The following PDZRN3 variants were observed in gnomAD, a reference collection of about 807,000 sequenced individuals.
PDZRN3 encodes PDZ domain containing ring finger 3.
A neutral mutation model predicts 85.7 loss-of-function variants in PDZRN3; 38 were observed. That is an observed-to-expected ratio of 0.44 (90% confidence interval 0.34 to 0.58). The LOEUF (loss-of-function observed/expected upper bound fraction) is 0.58. Ranked by LOEUF, PDZRN3 falls within the 20% of genes least tolerant of loss-of-function variation. PDZRN3 has a pLI of 0.01. For missense variants in PDZRN3, 1,629 were observed against 1,506.4 expected, an observed-to-expected ratio of 1.08 and a Z score of -1.35; for synonymous variants, 759 against 638.0, an observed-to-expected ratio of 1.19 and a Z score of -2.86.
chr3:73,484,101 G>T (rs904401453), intron 3 of PDZRN3, among the ~76,000 whole-genome samples: 4 of 152,146 alleles, frequency 2.6e-5, no homozygotes, highest in African/African-American at 7.2e-5. Flanking sequence ...ATAAGGAGGG[G>T]ATGATATGAG....
intron 3 of PDZRN3, among the ~76,000 whole-genome samples, chr3:73,432,700 T>C (rs1178142016): frequency 6.6e-6 from 1 of 152,214 alleles, no homozygotes; most frequent in African/African-American, 2.4e-5. Flanking sequence ...TTAAAAAATA[T>C]ATTAATATGC....
chr3:73,602,523 G>C (rs2106896700), intron 2 of PDZRN3, 62 bp from the exon 3 acceptor site: 1 of 851,994 alleles, frequency 1.2e-6, no homozygotes, highest in Non-Finnish European at 2.0e-6. Context: ...TGAAAGTAAA[G>C]CTTGCACTCT....
chr3:73,624,646 C>T lies in PDZRN3; in HGVS notation c.180G>A (p.Leu60=), dbSNP rs1702940039. ...GGACGTGGTTGAGCTCTTTGGCCGACAGGCGACCGCGGCAGCGCGCCGGGC... is the reference window on the plus strand; with the variant it reads ...GGACGTGGTTGAGCTCTTTGGCCGATAGGCGACCGCGGCAGCGCGCCGGGC... ...GSCPARCRGR[L]SAKELNHVLP... Residue 60 remains leucine, a synonymous_variant, in exon 1 of 10, where the codon CTG becomes CTA. Coordinates refer to ENST00000263666, the MANE Select transcript of PDZRN3 (RefSeq NM_015009.3). 6.5e-7 allele frequency: 1 copy of T among 1,545,542 alleles called. No individual in the cohort carries two copies. Among genetic ancestry groups the T allele is most frequent in the Non-Finnish European group, 8.7e-7 (1 of 1,149,578 alleles).
chr3:73,384,488 C>T lies in PDZRN3; in HGVS notation c.2078G>A (p.Arg693His), dbSNP rs773653572. 5.0e-6 allele frequency: 8 copies of T among 1,613,380 alleles called. No individual in the cohort carries two copies. The East Asian group carries it at 1.1e-4, about 22-fold the overall frequency. The change falls in exon 10 of 10, where the codon CGC (arginine) becomes CAC (histidine). Residue 693 changes from arginine to histidine, a missense_variant. Transcript: ENST00000263666. ...GCTCAGGCACTCCAGCTCGATGCTG[C>T]GCAGCTCTTCGTTCAGCAGCTCCAG... ...KELELLNEEL[R>H]SIELECLSIV...
chr3:73,454,994 T>C (rs1344215114), intron 3 of PDZRN3, among the ~76,000 whole-genome samples: 1 of 152,170 alleles, frequency 6.6e-6, no homozygotes, highest in African/African-American at 2.4e-5. Flanking sequence ...TGGAGTTCCA[T>C]TCAATTATGC....
chr3:73,447,345 G>A (rs189102534), intron 3 of PDZRN3, among the ~76,000 whole-genome samples: 69 of 152,012 alleles, frequency 4.5e-4, no homozygotes, highest in African/African-American at 1.6e-3. Context: ...CTAGCTTCCT[G>A]TTGCCTGTCT....
At chr3:73,385,096 A>C (rs575000249) in intron 9 of PDZRN3, among the ~76,000 whole-genome samples, 166 bp from the exon 10 acceptor site, 26 of 152,218 alleles carry the variant, frequency 1.7e-4, no homozygotes, top group African/African-American at 6.0e-4. Flanking sequence ...CCTTAGCTAC[A>C]CCTACCCGTA....
chr3:73,397,858 T>C (rs1701671652), intron 5 of PDZRN3, among the ~76,000 whole-genome samples: 2 of 150,444 alleles, frequency 1.3e-5, no homozygotes, highest in Admixed American at 1.3e-4. Flanking sequence ...GGACTCAGAG[T>C]ACTCTAGGGT....
At chr3:73,533,074 A>G (rs1193789737) in intron 3 of PDZRN3, among the ~76,000 whole-genome samples, 1 of 152,252 alleles carries the variant, frequency 6.6e-6, no homozygotes, top group African/African-American at 2.4e-5. Flanking sequence ...ATATTTAACA[A>G]GTTGATTTTA....
At chr3:73,614,957 G>C (rs1453835319) in intron 1 of PDZRN3, among the ~76,000 whole-genome samples, 1 of 152,156 alleles carries the variant, frequency 6.6e-6, no homozygotes, top group Non-Finnish European at 1.5e-5. Context: ...ACTGAAGGTA[G>C]TCATAAGGAC....
intron 3 of PDZRN3, among the ~76,000 whole-genome samples, chr3:73,546,318 G>A (rs1032292361): frequency 3.9e-5 from 6 of 152,152 alleles, no homozygotes; most frequent in African/African-American, 1.4e-4. Context: ...ACCTGTTGGA[G>A]GCAACACAAA....
At chr3:73,493,067 G>C (rs959289706) in intron 3 of PDZRN3, among the ~76,000 whole-genome samples, 1 of 141,082 alleles carries the variant, frequency 7.1e-6, no homozygotes, top group African/African-American at 2.6e-5. Flanking sequence ...AAATCTGAAG[G>C]AGGTGGGAGA....
chr3:73,502,953 T>C (rs571529473), intron 3 of PDZRN3, among the ~76,000 whole-genome samples: 4 of 152,352 alleles, frequency 2.6e-5, no homozygotes, highest in African/African-American at 9.6e-5. Context: ...TAAGTAAGAA[T>C]TTGCAAGAGA....
rs1336070873 is a variant in PDZRN3 at position 73,384,776 on chromosome 3, G to A, written c.1790C>T (p.Ser597Phe). 1.2e-6 allele frequency: 2 copies of A among 1,613,962 alleles called. No individual in the cohort carries two copies. Among genetic ancestry groups the A allele is most frequent in the Admixed American group, 3.3e-5 (2 of 60,038 alleles). The change falls in exon 10 of 10, where the codon TCC (serine) becomes TTC (phenylalanine). Residue 597 changes from serine (S) to phenylalanine (F), a missense_variant. Ser to Phe is a radical substitution (Grantham distance 155). Coordinates refer to ENST00000263666, the MANE Select transcript of PDZRN3 (RefSeq NM_015009.3). ...CTTCCTCTGCCCCGCCAGCGGGTTG[G>A]AGGATGCGGTGGCGTCGTCGCCATT... is the stretch of plus-strand genomic sequence containing the variant. ...ENNGDDATAS[S>F]NPLAGQRKLT... is the part of the protein sequence containing the mutation.
intron 3 of PDZRN3, among the ~76,000 whole-genome samples, chr3:73,436,694 G>A (rs1702536508): frequency 6.6e-6 from 1 of 152,148 alleles, no homozygotes; most frequent in African/African-American, 2.4e-5. Flanking sequence ...ATATGGCACT[G>A]TATTTCCGAG....
At chr3:73,549,355 C>A (rs1019769984) in intron 3 of PDZRN3, among the ~76,000 whole-genome samples, 6 of 152,114 alleles carry the variant, frequency 3.9e-5, no homozygotes, top group Non-Finnish European at 5.9e-5. Context: ...GGGCACTGTA[C>A]CCGAGAGAAG....
At chr3:73,614,069 TAAA>T (rs1255804225) in intron 1 of PDZRN3, among the ~76,000 whole-genome samples, 1 of 152,190 alleles carries the variant, frequency 6.6e-6, no homozygotes, top group Non-Finnish European at 1.5e-5. Context: ...TGATTTTGTT[TAAA>T]AGAAGCTTTG....
At chr3:73,555,701 A>G (rs1270726309) in intron 3 of PDZRN3, among the ~76,000 whole-genome samples, 1 of 152,212 alleles carries the variant, frequency 6.6e-6, no homozygotes, top group Non-Finnish European at 1.5e-5. Flanking sequence ...GGAGAAGAGA[A>G]AACTCTAGGA....
intron 4 of PDZRN3, 88 bp from the exon 5 acceptor site, chr3:73,401,097 A>G (rs1701739837): frequency 1.1e-6 from 1 of 937,246 alleles, no homozygotes; most frequent in East Asian, 2.4e-5. Context: ...GTGGCACAGT[A>G]GCAATTCCCA....
Sources: gnomAD v4.1 joint callset for allele counts (sites outside exome capture counted in the v4.1 genomes callset) on GRCh38, gnomAD v4.1.1 for gene constraint, MANE v1.5 for transcripts, NCBI Gene and HGNC (gene_info 2026-07-23, HGNC 2026-07-21) for gene names.